The following SPTLC1 variants were observed in gnomAD, a reference collection of about 807,000 sequenced individuals.
The protein encoded by SPTLC1 is serine palmitoyltransferase long chain base subunit 1.
A neutral mutation model predicts 68.9 loss-of-function variants in SPTLC1; 55 were observed. The ratio of observed to expected loss-of-function variants is 0.80; its 90% CI spans 0.64 to 1.00. SPTLC1 has a LOEUF of 1.00. SPTLC1 is among the 50% of genes least tolerant of loss of function. The pLI is 0.00. For missense variants in SPTLC1, 449 were observed against 573.1 expected, an observed-to-expected ratio of 0.78 and a Z score of 2.21; for synonymous variants, 197 against 201.6, an observed-to-expected ratio of 0.98 and a Z score of 0.19.
intron 1 of SPTLC1, among the ~76,000 whole-genome samples, chr9:92,114,296 C>A (rs893312873): frequency 2.6e-5 from 4 of 152,086 alleles, no homozygotes; most frequent in Non-Finnish European, 5.9e-5. Context: ...AAAATAAGTT[C>A]TTCAGTGCCC....
At chr9:92,094,857 T>G (rs949738882) in intron 3 of SPTLC1, among the ~76,000 whole-genome samples, 4 of 152,174 alleles carry the variant, frequency 2.6e-5, no homozygotes, top group Non-Finnish European at 5.9e-5. Flanking sequence ...ACTGGAGTGC[T>G]GACAGTAAGC....
chr9:92,056,058 T>C (rs1034217352), intron 7 of SPTLC1, among the ~76,000 whole-genome samples: 5 of 152,222 alleles, frequency 3.3e-5, no homozygotes, highest in South Asian at 2.1e-4. Context: ...TTCCTTCTTA[T>C]ATGTTGGCAT....
chr9:92,040,913 T>G (rs750669708), intron 12 of SPTLC1, among the ~76,000 whole-genome samples: 6 of 152,216 alleles, frequency 3.9e-5, no homozygotes, highest in Admixed American at 6.5e-5. Flanking sequence ...GAATGTCAGA[T>G]GAGTTTAATT....
intron 3 of SPTLC1, among the ~76,000 whole-genome samples, chr9:92,100,883 C>T (rs1384136046): frequency 6.6e-6 from 1 of 151,634 alleles, no homozygotes; most frequent in African/African-American, 2.4e-5. Flanking sequence ...TATTACACTA[C>T]TGTGTCCTCC....
intron 14 of SPTLC1, among the ~76,000 whole-genome samples, chr9:92,034,465 C>G (rs987714169): frequency 2.6e-5 from 4 of 152,192 alleles, no homozygotes; most frequent in Non-Finnish European, 4.4e-5. Flanking sequence ...CCGATCTTCC[C>G]TGCAGGACGG....
rs1836419476 is a variant in SPTLC1 at position 92,115,413 on chromosome 9, C to T, written c.-43G>A. The T allele has an allele frequency of 6.3e-7, 1 of 1,597,470 alleles. No homozygotes were observed. Among genetic ancestry groups the T allele is most frequent in the South Asian group, 1.1e-5 (1 of 90,748 alleles). On this transcript the variant is annotated 5_prime_UTR_variant, in exon 1 of 15. Transcript: ENST00000262554. ...CGGAAGGCGGGTCACAAGCGCGTCCCAAAAGTGCGCGTCGCTGCTCAGTGT... is the reference window on the plus strand; with the variant it reads ...CGGAAGGCGGGTCACAAGCGCGTCCTAAAAGTGCGCGTCGCTGCTCAGTGT...
At chr9:92,070,244 C>A (rs970756148) in intron 5 of SPTLC1, 3 of 152,168 alleles carry the variant, frequency 2.0e-5, no homozygotes, top group African/African-American at 7.2e-5. Flanking sequence ...ATATGGGTAA[C>A]TGAAGAACTT....
In SPTLC1 at chr9:92,088,093, G is replaced by A. The variant is rs186077817; in HGVS notation, c.261-7130C>T. Among the ~76,000 whole-genome samples the A allele has an allele frequency of 2.0e-5, 3 of 152,356 alleles. No individual in the cohort carries two copies. The East Asian group carries it at 5.8e-4, about 29-fold the overall frequency. On this transcript the variant is annotated intron_variant, in intron 3 of 14. Transcript: ENST00000262554. ...TCCTGGTGGGCCGTTTTTTAAGCGT[G>A]TCGGAAAAGCGCAGTATTAGGGTGG...
intron 3 of SPTLC1, among the ~76,000 whole-genome samples, chr9:92,083,354 T>C (rs1001431468): frequency 6.6e-6 from 1 of 152,138 alleles, no homozygotes; most frequent in Non-Finnish European, 1.5e-5. Flanking sequence ...GGTTTTCTTC[T>C]AGGGTTTTTA....
chr9:92,070,939 T>C (rs912047865), intron 5 of SPTLC1, among the ~76,000 whole-genome samples: 14 of 152,310 alleles, frequency 9.2e-5, no homozygotes, highest in Admixed American at 8.5e-4. Context: ...GAGCCACTTG[T>C]TCAGCTTCTC....
chr9:92,058,884 A>G (rs1833987753), intron 7 of SPTLC1, among the ~76,000 whole-genome samples: 2 of 152,332 alleles, frequency 1.3e-5, no homozygotes, highest in South Asian at 4.1e-4. Context: ...ATGCCCAGCT[A>G]TGAGTAGACA....
At chr9:92,088,663 A>G (rs1287293456) in intron 3 of SPTLC1, among the ~76,000 whole-genome samples, 23 of 152,256 alleles carry the variant, frequency 1.5e-4, no homozygotes. Context: ...ACAAATGATT[A>G]AGAACAAGTA....
intron 5 of SPTLC1, among the ~76,000 whole-genome samples, chr9:92,072,236 A>C (rs1200242971): frequency 4.6e-5 from 7 of 152,174 alleles, no homozygotes; most frequent in Non-Finnish European, 8.8e-5. Flanking sequence ...TCAGGACCTC[A>C]GACCAGCCCC....
intron 8 of SPTLC1, among the ~76,000 whole-genome samples, chr9:92,055,001 G>C (rs543165375): frequency 2.0e-5 from 3 of 152,266 alleles, no homozygotes; most frequent in Admixed American, 2.0e-4. Context: ...GAGGCAGGAG[G>C]ATCGCTTGAG....
rs1832975792 is a variant in SPTLC1 at position 92,031,915 on chromosome 9, ATCACACAAAAAGT to A, written c.*537_*549del. The A allele has an allele frequency of 5.1e-6, 1 of 194,316 alleles. No individual in the cohort carries two copies. The highest frequency in any genetic ancestry group is 1.1e-5 in the Non-Finnish European group (1 of 95,202). 12.0% of individuals were successfully genotyped at this position (194,316 alleles called of 1,614,324 possible). On this transcript the variant is annotated 3_prime_UTR_variant, in exon 15 of 15. Transcript: ENST00000262554. ...CAAATACAATGCAAAGTTTATAATA[ATCACACAAAAAGT>A]GTTCCTTTTAGCCACCATTTAGCTT...
chr9:92,082,918 G>T lies in SPTLC1; in HGVS notation c.261-1955C>A, dbSNP rs1344636378. 4.3e-3 allele frequency among the ~76,000 whole-genome samples: 658 copies of T among 152,014 alleles called. 10 individuals carry two copies. Among genetic ancestry groups the T allele is most frequent in the African/African-American group, 0.014 (571 of 41,386 alleles). Reference sequence around the variant, plus strand: ...CAGCACCTGTTGTTTCCTGACTTTTGAATGACTGCCATTCTAACTGGTGTG... The same window carrying T: ...CAGCACCTGTTGTTTCCTGACTTTTTAATGACTGCCATTCTAACTGGTGTG... On this transcript the variant is annotated intron_variant, in intron 3 of 14. Coordinates refer to ENST00000262554, the MANE Select transcript of SPTLC1 (RefSeq NM_006415.4).
chr9:92,105,511 G>A, intron 3 of SPTLC1: 1 of 654,178 alleles, frequency 1.5e-6, no homozygotes, highest in Non-Finnish European at 2.6e-6. Context: ...GAGACCTGAG[G>A]AGCATCTCTG....
intron 6 of SPTLC1, among the ~76,000 whole-genome samples, chr9:92,062,327 A>T (rs1834135925): frequency 6.6e-6 from 1 of 152,206 alleles, no homozygotes; most frequent in Admixed American, 6.5e-5. Flanking sequence ...TAGTAATCCT[A>T]AATATGAACT....
chr9:92,073,493 G>A (rs904623501), intron 5 of SPTLC1, among the ~76,000 whole-genome samples: 10 of 152,168 alleles, frequency 6.6e-5, no homozygotes, highest in African/African-American at 1.4e-4. Flanking sequence ...ATATAAAGCC[G>A]TGAATTATGA....
Sources: gnomAD v4.1 joint callset for allele counts (sites outside exome capture counted in the v4.1 genomes callset) on GRCh38, gnomAD v4.1.1 for gene constraint, MANE v1.5 for transcripts, NCBI Gene and HGNC (gene_info 2026-07-23, HGNC 2026-07-21) for gene names.